NSMCE2: variants seen among roughly 807,000 people sequenced by gnomAD.
NSMCE2 encodes NSE2 SUMO ligase component of SMC5/6 complex, also known as E3 SUMO-protein ligase NSE2.
In NSMCE2, 24 loss-of-function variants were observed where a neutral mutation model predicts 23.8. The ratio of observed to expected loss-of-function variants is 1.01; its 90% CI spans 0.73 to 1.42. NSMCE2 has a LOEUF of 1.42. Among genes scored for constraint, NSMCE2 ranks in the 40% most tolerant of loss-of-function variants. NSMCE2 has a pLI of 0.00. For missense variants in NSMCE2, 284 were observed against 296.5 expected, an observed-to-expected ratio of 0.96 and a Z score of 0.31; for synonymous variants, 92 against 94.1, an observed-to-expected ratio of 0.98 and a Z score of 0.13.
At chr8:125,260,576 A>G (rs1826646460) in intron 5 of NSMCE2, among the ~76,000 whole-genome samples, 1 of 147,688 alleles carries the variant, frequency 6.8e-6, no homozygotes, top group African/African-American at 2.5e-5. Context: ...ATTTGGATCT[A>G]GGTGGCCGTC....
chr8:125,177,118 A>C (rs1563699223), intron 4 of NSMCE2, among the ~76,000 whole-genome samples: 1 of 152,204 alleles, frequency 6.6e-6, no homozygotes, highest in East Asian at 1.9e-4. Context: ...CTCTACCCAC[A>C]ACTTTGTTAA....
intron 5 of NSMCE2, among the ~76,000 whole-genome samples, chr8:125,338,990 C>T (rs1830149797): frequency 6.6e-6 from 1 of 152,162 alleles, no homozygotes; most frequent in South Asian, 2.1e-4. Context: ...CTGGGGAGAG[C>T]ACAAAGTGCC....
chr8:125,200,425 A>G (rs886481099), intron 5 of NSMCE2, among the ~76,000 whole-genome samples: 10 of 152,194 alleles, frequency 6.6e-5, no homozygotes, highest in African/African-American at 1.9e-4. Flanking sequence ...TTTCTCCTTC[A>G]CTTATGAAGC....
At chr8:125,363,522 GAGAAAGAAAGAA>G (rs59016298) in intron 7 of NSMCE2, among the ~76,000 whole-genome samples, 48 of 130,304 alleles carry the variant, frequency 3.7e-4, no homozygotes, top group African/African-American at 1.3e-3. Context: ...GGAAAGAGGA[GAGAAAGAAAGAA>G]AGAAAGAAAG....
At chr8:125,233,298 G>A (rs936934323) in intron 5 of NSMCE2, among the ~76,000 whole-genome samples, 1 of 151,874 alleles carries the variant, frequency 6.6e-6, no homozygotes, top group Non-Finnish European at 1.5e-5. Flanking sequence ...TTTAAAGCAC[G>A]GTAAATCAGA....
At chr8:125,147,935 G>A (rs1003197679) in intron 3 of NSMCE2, among the ~76,000 whole-genome samples, 1 of 152,194 alleles carries the variant, frequency 6.6e-6, no homozygotes, top group East Asian at 1.9e-4. Context: ...TCTTTAAGAT[G>A]CTCTTGTGGG....
At chr8:125,189,599 A>C (rs534139414) in intron 5 of NSMCE2, among the ~76,000 whole-genome samples, 1 of 152,338 alleles carries the variant, frequency 6.6e-6, no homozygotes, top group South Asian at 2.1e-4. Flanking sequence ...CTAGAAAAAG[A>C]GGGTCAGAAC....
At chr8:125,177,065 T>G (rs1235001830) in intron 4 of NSMCE2, among the ~76,000 whole-genome samples, 1 of 152,260 alleles carries the variant, frequency 6.6e-6, no homozygotes, top group Non-Finnish European at 1.5e-5. Flanking sequence ...GTTACTTGCT[T>G]TCTCTTAATA....
chr8:125,334,894 A>G (rs1354931720), intron 5 of NSMCE2, among the ~76,000 whole-genome samples: 1 of 146,108 alleles, frequency 6.8e-6, no homozygotes, highest in Non-Finnish European at 1.5e-5. Flanking sequence ...AGCTGGGACT[A>G]CAGGATGTAC....
intron 5 of NSMCE2, among the ~76,000 whole-genome samples, chr8:125,259,754 G>A (rs1471210963): frequency 1.3e-5 from 2 of 152,166 alleles, no homozygotes; most frequent in Non-Finnish European, 2.9e-5. Context: ...TTTATTAAAT[G>A]TTGGTTTCAA....
chr8:125,262,920 G>A (rs1308683211), intron 5 of NSMCE2, among the ~76,000 whole-genome samples: 1 of 66,940 alleles, frequency 1.5e-5, no homozygotes, highest in East Asian at 3.5e-4. Flanking sequence ...CCATTTCAGT[G>A]CCTCCGCGAA....
At position 125,172,419 on chromosome 8, in the gene NSMCE2, T is replaced by C. The variant is rs555040150; in HGVS notation, c.265-9684T>C. ...TTGGCTACTCAACCTCTGTGTACAC[T>C]TTTTTCCAAGACTTAAATTTACAAA... On this transcript the variant is annotated intron_variant, in intron 4 of 7. Coordinates refer to ENST00000287437, the MANE Select transcript of NSMCE2 (RefSeq NM_173685.4). Among the ~76,000 whole-genome samples, 95 of 152,284 alleles carry C rather than the reference T, an allele frequency of 6.2e-4. 1 individual carries two copies. In the South Asian group the frequency reaches 8.7e-3, roughly 14 times the overall value.
chr8:125,306,286 C>T (rs1171829701), intron 5 of NSMCE2, among the ~76,000 whole-genome samples: 1 of 151,974 alleles, frequency 6.6e-6, no homozygotes, highest in African/African-American at 2.4e-5. Context: ...GCCATGATTG[C>T]CCCACTGCAC....
At chr8:125,343,911 C>A (rs886486455) in intron 5 of NSMCE2, among the ~76,000 whole-genome samples, 6 of 152,094 alleles carry the variant, frequency 3.9e-5, no homozygotes, top group African/African-American at 1.4e-4. Context: ...GAGGCTGAGG[C>A]AGGAGAATGG....
chr8:125,302,138 G>A (rs1360713704), intron 5 of NSMCE2, among the ~76,000 whole-genome samples: 1 of 152,056 alleles, frequency 6.6e-6, no homozygotes, highest in Non-Finnish European at 1.5e-5. Flanking sequence ...TGTATTTTTA[G>A]TAGAAATGGG....
intron 5 of NSMCE2, among the ~76,000 whole-genome samples, chr8:125,286,599 C>A (rs1827913896): frequency 6.6e-6 from 1 of 152,122 alleles, no homozygotes; most frequent in African/African-American, 2.4e-5. Flanking sequence ...AGGCATGAGC[C>A]ACTGCGCCCG....
intron 5 of NSMCE2, among the ~76,000 whole-genome samples, chr8:125,233,297 C>T (rs28609750): frequency 0.047 from 7,124 of 152,164 alleles, 560 homozygotes; most frequent in African/African-American, 0.16. Flanking sequence ...TTTTAAAGCA[C>T]GGTAAATCAG....
intron 5 of NSMCE2, among the ~76,000 whole-genome samples, chr8:125,286,381 C>T (rs997299394): frequency 5.3e-5 from 8 of 150,736 alleles, no homozygotes; most frequent in Admixed American, 2.6e-4. Flanking sequence ...GGTGCAGTCT[C>T]GGCTCACTGC....
intron 4 of NSMCE2, among the ~76,000 whole-genome samples, chr8:125,175,193 T>G (rs1822422395): frequency 6.6e-6 from 1 of 152,070 alleles, no homozygotes; most frequent in Non-Finnish European, 1.5e-5. Flanking sequence ...CATGACGAAT[T>G]GGGTTGGTGG....
Sources: allele counts gnomAD v4.1 joint callset (sites outside exome capture counted in the v4.1 genomes callset), GRCh38; gene constraint gnomAD v4.1.1; transcripts MANE v1.5; gene names NCBI Gene and HGNC (gene_info 2026-07-23, HGNC 2026-07-21).